Variants in ST8SIA1 observed in about 807,000 individuals in gnomAD.
ST8SIA1 encodes the protein alpha-N-acetylneuraminide alpha-2,8-sialyltransferase.
ST8SIA1 carries 16 observed loss-of-function variants against 35.9 expected under a neutral mutation model. That is an observed-to-expected ratio of 0.45 (90% CI 0.30 to 0.68). The LOEUF (loss-of-function observed/expected upper bound fraction) is 0.68. ST8SIA1 is among the 30% of genes least tolerant of loss of function. The probability of loss-of-function intolerance (pLI) is 0.09; values close to 1 mark genes in which losing one functional copy is unlikely to be tolerated. For synonymous variants in ST8SIA1, 170 were observed against 169.6 expected (o/e 1.00, Z -0.02); for missense variants, 383 against 453.6 (o/e 0.84, Z 1.41).
chr12:22,272,014 A>G (rs1414301319), intron 2 of ST8SIA1, among the ~76,000 whole-genome samples: 4 of 152,150 alleles, frequency 2.6e-5, no homozygotes, highest in Non-Finnish European at 5.9e-5. Flanking sequence ...GCCCTTACTT[A>G]ATCTATCTTA....
At chr12:22,310,351 C>CCCA (rs1199143833) in intron 1 of ST8SIA1, among the ~76,000 whole-genome samples, 10 of 152,122 alleles carry the variant, frequency 6.6e-5, no homozygotes, top group Non-Finnish European at 1.5e-5. Context: ...AGCTGAAGCC[C>CCCA]AGGTCTCTAG....
At chr12:22,290,102 A>G (rs1050361621) in intron 1 of ST8SIA1, among the ~76,000 whole-genome samples, 6 of 152,210 alleles carry the variant, frequency 3.9e-5, no homozygotes, top group African/African-American at 1.4e-4. Context: ...ACATGTGTAG[A>G]AATATTTTTA....
At chr12:22,268,981 T>C (rs1865881016) in intron 2 of ST8SIA1, among the ~76,000 whole-genome samples, 1 of 152,184 alleles carries the variant, frequency 6.6e-6, no homozygotes, top group African/African-American at 2.4e-5. Flanking sequence ...GGCATATAGT[T>C]CAAATGATTT....
At chr12:22,214,484 T>C (rs1865212577) in intron 4 of ST8SIA1, among the ~76,000 whole-genome samples, 1 of 151,178 alleles carries the variant, frequency 6.6e-6, no homozygotes, top group Non-Finnish European at 1.5e-5. Context: ...GACCTGGAAA[T>C]GGATTGTTGC....
At chr12:22,320,021 A>AATGGAC (rs1866566111) in intron 1 of ST8SIA1, among the ~76,000 whole-genome samples, 1 of 152,216 alleles carries the variant, frequency 6.6e-6, no homozygotes, top group Non-Finnish European at 1.5e-5. Flanking sequence ...CTTGCTTAAG[A>AATGGAC]TGAAACAGAA....
intron 4 of ST8SIA1, among the ~76,000 whole-genome samples, chr12:22,211,172 G>T (rs1437765270): frequency 6.6e-6 from 1 of 152,170 alleles, no homozygotes; most frequent in Non-Finnish European, 1.5e-5. Flanking sequence ...GGCAATGTAT[G>T]GAGGAAGGAA....
intron 4 of ST8SIA1, among the ~76,000 whole-genome samples, chr12:22,218,502 C>T (rs981682993): frequency 1.3e-5 from 2 of 151,068 alleles, no homozygotes; most frequent in African/African-American, 4.9e-5. Context: ...CCCATAATCC[C>T]AGCTACTCGC....
At chr12:22,317,417 G>A (rs1866534580) in intron 1 of ST8SIA1, among the ~76,000 whole-genome samples, 1 of 152,178 alleles carries the variant, frequency 6.6e-6, no homozygotes, top group Non-Finnish European at 1.5e-5. Context: ...ATCTCAGCTG[G>A]AGGGCTCTAG....
rs1222353661 is a variant in ST8SIA1, at chr12:22,201,087, A to G, written c.*465T>C. 1 of 152,404 alleles carries G rather than the reference A, an allele frequency of 6.6e-6. No homozygotes were observed. Among genetic ancestry groups the G allele is most frequent in the Admixed American group, 6.5e-5 (1 of 15,278 alleles). The allele number at this position is 152,404 out of a possible 1,614,324, so 9.4% of individuals were successfully genotyped here. On this transcript the variant is annotated 3_prime_UTR_variant, in exon 5 of 5. Coordinates refer to ENST00000396037, the MANE Select transcript of ST8SIA1 (RefSeq NM_003034.4). ...ACTTCCCCAAAGAGGGCAAAAATAA[A>G]TAATAATTTTTTAAAAAAACCTACG... is the stretch of plus-strand genomic sequence containing the variant.
chr12:22,332,001 A>C (rs961571850), intron 1 of ST8SIA1, among the ~76,000 whole-genome samples: 1 of 152,216 alleles, frequency 6.6e-6, no homozygotes, highest in Non-Finnish European at 1.5e-5. Context: ...AATGTAGATA[A>C]ACAAGAAAGC....
rs1202478303 is a variant in ST8SIA1, at chr12:22,195,763, GTC to G, written c.*5787_*5788del. The G allele has an allele frequency of 6.6e-6, 1 of 152,048 alleles. No individual in the cohort carries two copies. The highest frequency in any genetic ancestry group is 1.5e-5 in the Non-Finnish European group (1 of 68,004). The allele number at this position is 152,048 out of a possible 1,614,324, so 9.4% of individuals were successfully genotyped here. A position where few individuals can be genotyped will look rare whatever the true frequency, so the allele number is the denominator to read the frequency against. ...CTTTTCAAATTAAAACCAAGATTTT[GTC>G]TCTCTTTTTTTCAGTTTGGTTAAAC... On this transcript the variant is annotated 3_prime_UTR_variant, in exon 5 of 5. Coordinates refer to ENST00000396037, the MANE Select transcript of ST8SIA1 (RefSeq NM_003034.4).
At position 22,201,371 on chromosome 12, in the gene ST8SIA1, T is replaced by A. The variant is rs978893187; in HGVS notation, c.*181A>T. ...ATAAAGTATTTCATAGGATGTTTCATTTCTTATTTGTCCTCCAAGCCAACG... is the reference window on the plus strand; with the variant it reads ...ATAAAGTATTTCATAGGATGTTTCAATTCTTATTTGTCCTCCAAGCCAACG... On this transcript the variant is annotated 3_prime_UTR_variant, in exon 5 of 5. Coordinates refer to ENST00000396037, the MANE Select transcript of ST8SIA1 (RefSeq NM_003034.4). The A allele has an allele frequency of 3.9e-6, 3 of 761,402 alleles. No individual in the cohort carries two copies. The highest frequency in any genetic ancestry group is 6.1e-6 in the Non-Finnish European group (3 of 495,300). The allele number at this position is 761,402 out of a possible 1,614,324, so 47.2% of individuals were successfully genotyped here. A position where few individuals can be genotyped will look rare whatever the true frequency, so the allele number is the denominator to read the frequency against.
chr12:22,193,981 A>G lies in ST8SIA1; in HGVS notation c.*7571T>C, dbSNP rs1864953816. On this transcript the variant is annotated 3_prime_UTR_variant, in exon 5 of 5. Coordinates refer to ENST00000396037, the MANE Select transcript of ST8SIA1 (RefSeq NM_003034.4). ...GTGCCATAATAGAATTAAAGAGACC[A>G]AAAAGACACCTTTTTCCCCAGTGCT... The G allele has an allele frequency of 6.6e-6, 1 of 152,242 alleles. No individual in the cohort carries two copies. The highest frequency in any genetic ancestry group is 1.5e-5 in the Non-Finnish European group (1 of 68,034). 9.4% of individuals were successfully genotyped at this position (152,242 alleles called of 1,614,324 possible).
rs147673110 is a variant in ST8SIA1 at position 22,302,710 on chromosome 12, A to G, written c.237-15417T>C. Among the ~76,000 whole-genome samples the G allele has an allele frequency of 9.6e-3, 1,465 of 152,286 alleles. 21 individuals are homozygous for G. Among genetic ancestry groups the G allele is most frequent in the African/African-American group, 0.033 (1,380 of 41,558 alleles). ...CTGGGGCCCTAAAAATTACTAAGCT[A>G]AAGGGAAAAGTCAAGCTGGGAACTG... On this transcript the variant is annotated intron_variant, in intron 1 of 4. Coordinates refer to ENST00000396037, the MANE Select transcript of ST8SIA1 (RefSeq NM_003034.4).
intron 2 of ST8SIA1, among the ~76,000 whole-genome samples, chr12:22,277,397 C>T (rs1396090743): frequency 7.5e-6 from 1 of 134,052 alleles, no homozygotes; most frequent in African/African-American, 2.8e-5. Flanking sequence ...GAGATGGAGT[C>T]TCACTCTTGC....
intron 1 of ST8SIA1, among the ~76,000 whole-genome samples, chr12:22,323,367 C>T (rs908381698): frequency 6.6e-6 from 1 of 152,162 alleles, no homozygotes; most frequent in Non-Finnish European, 1.5e-5. Flanking sequence ...TATGAACAAT[C>T]AAAGATGCCA....
Position 22,249,228 on chromosome 12 carries a change from T to G in ST8SIA1, c.492-130A>C, listed in dbSNP as rs571901072. The G allele has an allele frequency of 1.1e-3, 697 of 661,422 alleles. 9 individuals carry two copies. The highest frequency in any genetic ancestry group is 9.2e-4 in the Non-Finnish European group (367 of 396,850). The allele number at this position is 661,422 out of a possible 1,614,324, so 41.0% of individuals were successfully genotyped here. ...TAACTGTTTTGTTTTTTGTTTTTTTTTTTTTTTTGAGATGGAGTCTCGCTC... is the reference window on the plus strand; with the variant it reads ...TAACTGTTTTGTTTTTTGTTTTTTTGTTTTTTTTGAGATGGAGTCTCGCTC... On this transcript the variant is annotated intron_variant, in intron 3 of 4. Transcript: ENST00000396037.
intron 3 of ST8SIA1, among the ~76,000 whole-genome samples, chr12:22,253,529 T>C (rs965431889): frequency 2.6e-5 from 4 of 152,186 alleles, no homozygotes; most frequent in Non-Finnish European, 2.9e-5. Context: ...GCCACTTCTC[T>C]TGAGAAGCTC....
At chr12:22,306,681 G>A (rs1024780426) in intron 1 of ST8SIA1, among the ~76,000 whole-genome samples, 3 of 152,058 alleles carry the variant, frequency 2.0e-5, no homozygotes, top group African/African-American at 7.2e-5. Flanking sequence ...ATATGCCTTG[G>A]ATATGTCTTT....
Sources: allele counts gnomAD v4.1 joint callset (sites outside exome capture counted in the v4.1 genomes callset), GRCh38; gene constraint gnomAD v4.1.1; transcripts MANE v1.5; gene names NCBI Gene and HGNC (gene_info 2026-07-23, HGNC 2026-07-21).